Variants in ASB13 observed in about 807,000 individuals in gnomAD.
ASB13 encodes the protein ankyrin repeat and SOCS box containing 13.
ASB13 carries 33 observed loss-of-function variants against 28.8 expected under a neutral mutation model. That is an observed-to-expected ratio of 1.15 (90% CI 0.87 to 1.53). The LOEUF (loss-of-function observed/expected upper bound fraction) is 1.53, where lower values mean the gene tolerates loss of function less well. Among genes scored for constraint, ASB13 ranks in the 40% most tolerant of loss-of-function variants. ASB13 has a pLI of 0.00. For synonymous variants in ASB13, 182 were observed against 172.9 expected (o/e 1.05, Z -0.41); for missense variants, 414 against 390.1 (o/e 1.06, Z -0.52).
At position 5,649,532 on chromosome 10, in the gene ASB13, CT is replaced by C. The variant is rs748320784; in HGVS notation, c.383-429del. 0.012 allele frequency among the ~76,000 whole-genome samples: 1,759 copies of C among 143,758 alleles called. 8 individuals are homozygous for C. Among genetic ancestry groups the C allele is most frequent in the Non-Finnish European group, 0.016 (1,030 of 65,140 alleles). The allele number at this position is 143,758 out of a possible 152,430, so 94.3% of individuals were successfully genotyped here. A position where few individuals can be genotyped will look rare whatever the true frequency, so the allele number is the denominator to read the frequency against. ...ACCACGGCAGCCGCCTCTCCTGCCT[CT>C]TTTTTTTTTTTAGACAAAGTCTCAT... On this transcript the variant is annotated intron_variant, in intron 3 of 5. Transcript: ENST00000357700. The surrounding 1 kb of genome is among the most constrained non-coding windows in gnomAD (Gnocchi z 6.4).
intron 4 of ASB13, among the ~76,000 whole-genome samples, chr10:5,643,706 G>T (rs1171088597): frequency 6.6e-6 from 1 of 152,206 alleles, no homozygotes; most frequent in African/African-American, 2.4e-5. Flanking sequence ...ACATATGCTT[G>T]TAATGAAAAA....
chr10:5,650,675 G>A lies in ASB13; in HGVS notation c.382+538C>T, dbSNP rs1834969781. Among the ~76,000 whole-genome samples the A allele has an allele frequency of 6.6e-6, 1 of 152,254 alleles. No homozygotes were observed. Among genetic ancestry groups the A allele is most frequent in the South Asian group, 2.1e-4 (1 of 4,834 alleles). On this transcript the variant is annotated intron_variant, in intron 3 of 5. Transcript: ENST00000357700. This position sits in a 1 kb window ranked among gnomAD's most constrained non-coding sequence, Gnocchi z 6.0. ...TGCTCCACTGGGAGCTTCTGATGCA[G>A]TAAGATAGGACAAGGAATGTTCCCC...
chr10:5,656,322 G>C lies in ASB13; in HGVS notation c.44-3272C>G, dbSNP rs1402307383. 6.6e-6 allele frequency among the ~76,000 whole-genome samples: 1 copy of C among 152,164 alleles called. No homozygotes were observed. The highest frequency in any genetic ancestry group is 1.5e-5 in the Non-Finnish European group (1 of 68,018). ...TGGGAGGCCAAGGCGGGTGGATCAC[G>C]AGGTCAGGAGTTTGAGACCAGCCTG... On this transcript the variant is annotated intron_variant, in intron 1 of 5. Transcript: ENST00000357700. The surrounding 1 kb of genome is among the most constrained non-coding windows in gnomAD (Gnocchi z 4.3).
At chr10:5,646,105 C>T (rs933960785) in intron 4 of ASB13, among the ~76,000 whole-genome samples, 1 of 152,262 alleles carries the variant, frequency 6.6e-6, no homozygotes, top group African/African-American at 2.4e-5. Context: ...AAGAAAGCCA[C>T]GTTCACCTCT....
Position 5,642,563 on chromosome 10 carries a change from A to G in ASB13, c.518-602T>C, listed in dbSNP as rs1042654555. The G allele has an allele frequency of 6.6e-5, 82 of 1,237,104 alleles. No homozygotes were observed. Among genetic ancestry groups the G allele is most frequent in the Non-Finnish European group, 8.1e-5 (79 of 972,968 alleles). The allele number at this position is 1,237,104 out of a possible 1,614,324, so 76.6% of individuals were successfully genotyped here. A position where few individuals can be genotyped will look rare whatever the true frequency, so the allele number is the denominator to read the frequency against. On this transcript the variant is annotated intron_variant, in intron 4 of 5. Coordinates refer to ENST00000357700, the MANE Select transcript of ASB13 (RefSeq NM_024701.4). This position sits in a 1 kb window ranked among gnomAD's most constrained non-coding sequence, Gnocchi z 4.1. Reference sequence around the variant, plus strand: ...GCAGACATTCATCAAGCTGATTAAAAGTAAAGGTAAAAAAAAATTTTTTTT... The same window carrying G: ...GCAGACATTCATCAAGCTGATTAAAGGTAAAGGTAAAAAAAAATTTTTTTT...
At position 5,651,212 on chromosome 10, in the gene ASB13, C is replaced by T; in HGVS notation, c.382+1G>A. On this transcript the variant is annotated splice_donor_variant, in intron 3 of 5. Transcript: ENST00000357700. LOFTEE classifies it high-confidence loss of function. This position sits in a 1 kb window ranked among gnomAD's most constrained non-coding sequence, Gnocchi z 5.1. ...GCCAGCCCAGCCGTCTGCCAACTCA[C>T]CGCTCATGCAGGCCTCGTGCAGGGG... 6.2e-7 allele frequency: 1 copy of T among 1,601,540 alleles called. No homozygotes were observed. Among genetic ancestry groups the T allele is most frequent in the East Asian group, 2.3e-5 (1 of 44,284 alleles).
In ASB13 at chr10:5,642,627, T is replaced by A; in HGVS notation, c.518-666A>T. The A allele has an allele frequency of 1.5e-6, 1 of 672,672 alleles. No homozygotes were observed. Among genetic ancestry groups the A allele is most frequent in the Non-Finnish European group, 2.1e-6 (1 of 465,926 alleles). 41.7% of individuals were successfully genotyped at this position (672,672 alleles called of 1,614,324 possible). On this transcript the variant is annotated intron_variant, in intron 4 of 5. Coordinates refer to ENST00000357700, the MANE Select transcript of ASB13 (RefSeq NM_024701.4). The surrounding 1 kb of genome is among the most constrained non-coding windows in gnomAD (Gnocchi z 4.1). ...AGACATTCAGAAAGATGCAAGGAAT[T>A]AGTAGCTAAATATGGCTGGTTTTGG...
intron 4 of ASB13, among the ~76,000 whole-genome samples, 194 bp downstream of exon 4, chr10:5,648,763 CAAACACCCACTGG>C (rs1834934282): frequency 4.2e-5 from 6 of 142,746 alleles, no homozygotes; most frequent in Non-Finnish European, 9.3e-5. Flanking sequence ...CCCACTCAGG[CAAACACCCACTGG>C]GGTAAACACC....
At chr10:5,646,649 GA>G in intron 4 of ASB13, among the ~76,000 whole-genome samples, 1 of 152,216 alleles carries the variant, frequency 6.6e-6, no homozygotes, top group East Asian at 1.9e-4. Flanking sequence ...ACCTGAACTA[GA>G]AATGCCCGCC....
Position 5,649,991 on chromosome 10 carries a change from C to G in ASB13, c.383-887G>C, listed in dbSNP as rs544033541. 2.8e-3 allele frequency among the ~76,000 whole-genome samples: 433 copies of G among 152,324 alleles called. 1 individual carries two copies. The highest frequency in any genetic ancestry group is 5.6e-3 in the Non-Finnish European group (383 of 68,024). The stretch of plus-strand genomic sequence containing the variant: ...GTTGGCAGCTCCCTAATTTTCCCCA[C>G]CAGCCTCACACCCAGCCCCAGCCCC... On this transcript the variant is annotated intron_variant, in intron 3 of 5. Transcript: ENST00000357700. This position sits in a 1 kb window ranked among gnomAD's most constrained non-coding sequence, Gnocchi z 6.4.
At chr10:5,665,959 G>T (rs1436555452) in intron 1 of ASB13, among the ~76,000 whole-genome samples, 1 of 152,218 alleles carries the variant, frequency 6.6e-6, no homozygotes, top group African/African-American at 2.4e-5. Context: ...AGTAGGCTGC[G>T]AACTGGGATG....
chr10:5,653,423 G>A (rs1385752393), intron 1 of ASB13, among the ~76,000 whole-genome samples: 2 of 152,190 alleles, frequency 1.3e-5, no homozygotes, highest in Non-Finnish European at 2.9e-5. Flanking sequence ...CTGGTGAAAC[G>A]TTTACATCCT....
rs564712697 is a variant in ASB13, at chr10:5,659,082, C to G, written c.44-6032G>C. Among the ~76,000 whole-genome samples, 1 of 152,296 alleles carries G rather than the reference C, an allele frequency of 6.6e-6. No individual in the cohort carries two copies. The highest frequency in any genetic ancestry group is 1.9e-4 in the East Asian group (1 of 5,178). Reference sequence around the variant, plus strand: ...GGACCTTAAATGGATGAGGAGTGAGCACAGGAAATGCTGTCTGTTAGTGAA... The same window carrying G: ...GGACCTTAAATGGATGAGGAGTGAGGACAGGAAATGCTGTCTGTTAGTGAA... On this transcript the variant is annotated intron_variant, in intron 1 of 5. Coordinates refer to ENST00000357700, the MANE Select transcript of ASB13 (RefSeq NM_024701.4). The surrounding 1 kb of genome is among the most constrained non-coding windows in gnomAD (Gnocchi z 5.8).
chr10:5,646,358 T>G (rs1047742267), intron 4 of ASB13, among the ~76,000 whole-genome samples: 3 of 152,152 alleles, frequency 2.0e-5, no homozygotes, highest in African/African-American at 7.2e-5. Context: ...CCATCAGAAT[T>G]TGGCAAAGTT....
At chr10:5,646,436 G>C (rs905362570) in intron 4 of ASB13, among the ~76,000 whole-genome samples, 2 of 152,250 alleles carry the variant, frequency 1.3e-5, no homozygotes, top group Admixed American at 1.3e-4. Context: ...GCCTCCAGAA[G>C]GCTTAAAACA....
At position 5,651,520 on chromosome 10, in the gene ASB13, G is replaced by T; in HGVS notation, c.232-157C>A. 1 of 793,316 alleles carries T rather than the reference G, an allele frequency of 1.3e-6. No individual in the cohort carries two copies. The highest frequency in any genetic ancestry group is 1.9e-6 in the Non-Finnish European group (1 of 518,042). The allele number at this position is 793,316 out of a possible 1,614,324, so 49.1% of individuals were successfully genotyped here. ...GCAACGACACTGAAAGAGATAGCAC[G>T]TGGCTGCGGAGCACCGACGGCCTCC... On this transcript the variant is annotated intron_variant, in intron 2 of 5. Transcript: ENST00000357700. This position sits in a 1 kb window ranked among gnomAD's most constrained non-coding sequence, Gnocchi z 5.1.
chr10:5,657,540 G>A (rs1272583680), intron 1 of ASB13, among the ~76,000 whole-genome samples: 1 of 152,170 alleles, frequency 6.6e-6, no homozygotes, highest in East Asian at 1.9e-4. Context: ...GCGAGAATGT[G>A]GAGAAAGTGG....
In ASB13 at chr10:5,645,121, A is replaced by G. The variant is rs1294280278; in HGVS notation, c.518-3160T>C. 6.6e-6 allele frequency among the ~76,000 whole-genome samples: 1 copy of G among 152,166 alleles called. No homozygotes were observed. The highest frequency in any genetic ancestry group is 1.9e-4 in the East Asian group (1 of 5,192). ...CAAAATAGGATTAAAGTGGATTCAG[A>G]GAACCCGTGGCCAGTGACGTGACGG... On this transcript the variant is annotated intron_variant, in intron 4 of 5. Transcript: ENST00000357700. The surrounding 1 kb of genome is among the most constrained non-coding windows in gnomAD (Gnocchi z 5.4).
chr10:5,640,908 A>G, intron 5 of ASB13, 78 bp from the exon 6 acceptor site: 2 of 1,555,640 alleles, frequency 1.3e-6, no homozygotes, highest in South Asian at 1.1e-5. Context: ...ACAAACTCAG[A>G]GGGAATCGGA....
Sources: gnomAD v4.1 joint callset for allele counts (sites outside exome capture counted in the v4.1 genomes callset) on GRCh38, gnomAD v4.1.1 for gene constraint, Gnocchi (gnomAD v3.1) non-coding constraint, MANE v1.5 for transcripts, NCBI Gene and HGNC (gene_info 2026-07-23, HGNC 2026-07-21) for gene names.